The following C8orf74 variants were observed in gnomAD, a reference collection of about 807,000 sequenced individuals.
The protein encoded by C8orf74 is uncharacterized protein C8orf74.
Under a neutral mutation model 22.2 loss-of-function variants are expected in C8orf74, and 29 were observed. That is an observed-to-expected ratio of 1.31 (90% CI 0.97 to 1.78). The LOEUF is 1.78. Among genes scored for constraint, C8orf74 ranks in the 40% most tolerant of loss-of-function variants. C8orf74 has a pLI of 0.00. For missense variants in C8orf74, 515 were observed against 369.9 expected, an observed-to-expected ratio of 1.39 and a Z score of -3.22; for synonymous variants, 255 against 163.1, an observed-to-expected ratio of 1.56 and a Z score of -4.30.
intron 1 of C8orf74, 87 bp from the exon 2 acceptor site, chr8:10,674,538 CAGCCCCCATATCACACCCTAT>C (rs1798987123): frequency 7.5e-6 from 3 of 400,122 alleles, no homozygotes; most frequent in African/African-American, 5.5e-5. Context: ...TCACACCCCA[CAGCCCCCATATCACACCCTAT>C]AGCCCCCATA....
rs79615905 is a variant in C8orf74 at position 10,695,429 on chromosome 8, G to A, written c.242-2170G>A. Among the ~76,000 whole-genome samples, 1,445 of 152,250 alleles carry A rather than the reference G, an allele frequency of 9.5e-3. 43 individuals carry two copies. Among genetic ancestry groups the A allele is most frequent in the East Asian group, 0.082 (426 of 5,168 alleles). ...CCAGTCTGTGATTCTGCATGATGGA[G>A]CAGTCCCTCCTTCCCTCCCCCTGGA... On this transcript the variant is annotated intron_variant, in intron 2 of 3. Coordinates refer to ENST00000304519, the MANE Select transcript of C8orf74 (RefSeq NM_001040032.2).
At chr8:10,687,121 A>C (rs1392156746) in intron 2 of C8orf74, 1 of 456,298 alleles carries the variant, frequency 2.2e-6, no homozygotes, top group Non-Finnish European at 4.4e-6. Context: ...CTGTGTAGGA[A>C]TGCCAGCAGA....
intron 3 of C8orf74, among the ~76,000 whole-genome samples, chr8:10,698,516 T>C (rs1054535614): frequency 1.3e-5 from 2 of 151,954 alleles, no homozygotes; most frequent in Non-Finnish European, 2.9e-5. Flanking sequence ...CTTAGGAGGA[T>C]CCGGTGCCTG....
At position 10,672,644 on chromosome 8, in the gene C8orf74, C is replaced by T. The variant is rs970249788; in HGVS notation, c.-22C>T. The stretch of plus-strand genomic sequence containing the variant: ...CTCTGAGTCAGTCTGGCTCCGTCTC[C>T]TGGCAACCAGATGCAGGGGCCATGG... On this transcript the variant is annotated 5_prime_UTR_variant, in exon 1 of 4. Coordinates refer to ENST00000304519, the MANE Select transcript of C8orf74 (RefSeq NM_001040032.2). The T allele has an allele frequency of 3.8e-6, 6 of 1,559,702 alleles. No individual in the cohort carries two copies. Among genetic ancestry groups the T allele is most frequent in the Non-Finnish European group, 5.2e-6 (6 of 1,151,430 alleles).
At chr8:10,690,916 C>T (rs935770455) in intron 2 of C8orf74, 9 of 456,018 alleles carry the variant, frequency 2.0e-5, no homozygotes, top group Admixed American at 4.7e-5. Context: ...AAGTTCCCAG[C>T]AGCCAATGCA....
At chr8:10,689,339 G>C (rs1043565848) in intron 2 of C8orf74, 1 of 152,222 alleles carries the variant, frequency 6.6e-6, no homozygotes, top group Admixed American at 6.5e-5. Flanking sequence ...CCTTGGTCCA[G>C]AGAGATGTGC....
At chr8:10,695,495 C>A (rs1799472081) in intron 2 of C8orf74, among the ~76,000 whole-genome samples, 1 of 152,194 alleles carries the variant, frequency 6.6e-6, no homozygotes, top group Admixed American at 6.5e-5. Context: ...CCCAGCACAT[C>A]CTAACATGGC....
In C8orf74 at chr8:10,674,674, G is replaced by T; in HGVS notation, c.77G>T (p.Arg26Met). 6 of 1,610,354 alleles carry T rather than the reference G, an allele frequency of 3.7e-6. No individual in the cohort carries two copies. The highest frequency in any genetic ancestry group is 5.1e-6 in the Non-Finnish European group (6 of 1,178,378). Reference protein sequence around the residue: ...QRPQGRERLRRLLNWEEFDEQ... With the variant: ...QRPQGRERLRMLLNWEEFDEQ... ...CCACAAGGTCGGGAGCGCCTGCGGA[G>T]GCTTCTGAACTGGGAGGAGTTTGAC... The change falls in exon 2 of 4, where the codon AGG (arginine) becomes ATG (methionine). Residue 26 changes from arginine to methionine, a missense_variant. Arg to Met is a moderately conservative substitution (Grantham distance 91, BLOSUM62 -1). Coordinates refer to ENST00000304519, the MANE Select transcript of C8orf74 (RefSeq NM_001040032.2).
rs1267598121 is a variant in C8orf74 at position 10,682,256 on chromosome 8, C to T, written c.241+7418C>T. Among the ~76,000 whole-genome samples the T allele has an allele frequency of 2.6e-4, 39 of 152,300 alleles. 1 individual carries two copies. Among genetic ancestry groups the T allele is most frequent in the Non-Finnish European group, 2.2e-4 (15 of 68,024 alleles). The stretch of plus-strand genomic sequence containing the variant: ...TGATGGATGGTGGAAGTCTCCACAG[C>T]GGCCCTAGATTAAGATCTTAGAGGA... On this transcript the variant is annotated intron_variant, in intron 2 of 3. Transcript: ENST00000304519.
chr8:10,693,113 G>C (rs556567464), intron 2 of C8orf74: 1 of 152,648 alleles, frequency 6.6e-6, no homozygotes, highest in African/African-American at 2.4e-5. Flanking sequence ...GGCCTACCCA[G>C]CCTCATCTCC....
chr8:10,699,481 C>A (rs1799606269), intron 3 of C8orf74, among the ~76,000 whole-genome samples: 1 of 152,210 alleles, frequency 6.6e-6, no homozygotes, highest in Non-Finnish European at 1.5e-5. Context: ...TACATCCAAC[C>A]AGTTGCTTCC....
intron 2 of C8orf74, chr8:10,686,436 T>C (rs1799263464): frequency 1.3e-5 from 2 of 152,260 alleles, no homozygotes; most frequent in Non-Finnish European, 2.9e-5. Flanking sequence ...AATGTAGTCA[T>C]AGTATTATTT....
rs1799556576 is a variant in C8orf74, at chr8:10,697,749, A to T, written c.392A>T (p.Gln131Leu). ...HYKLYQYVLG[Q>L]DQQVDLTVAH... ...AAACTCTACCAGTATGTCCTGGGCC[A>T]GGACCAGCAGGTCGACCTGACCGTT... The change falls in exon 3 of 4, where the codon CAG becomes CTG. Residue 131 changes from glutamine (Q) to leucine (L), a missense_variant. Gln to Leu is a moderately radical substitution (Grantham distance 113, BLOSUM62 -2). Coordinates refer to ENST00000304519, the MANE Select transcript of C8orf74 (RefSeq NM_001040032.2). The T allele has an allele frequency of 6.2e-7, 1 of 1,614,050 alleles. No individual in the cohort carries two copies. The highest frequency in any genetic ancestry group is 2.2e-5 in the East Asian group (1 of 44,882).
At chr8:10,695,479 G>A (rs375125244) in intron 2 of C8orf74, among the ~76,000 whole-genome samples, 7 of 152,180 alleles carry the variant, frequency 4.6e-5, no homozygotes, top group Non-Finnish European at 7.3e-5. Flanking sequence ...GAATCCAGGC[G>A]TCACTCCCAG....
chr8:10,689,089 T>C (rs1799321044), intron 2 of C8orf74: 1 of 152,268 alleles, frequency 6.6e-6, no homozygotes, highest in Non-Finnish European at 1.5e-5. Context: ...CAGACATTTC[T>C]GACCTATCAA....
intron 2 of C8orf74, chr8:10,692,130 G>T (rs574805777): frequency 6.6e-6 from 1 of 152,414 alleles, no homozygotes; most frequent in East Asian, 1.9e-4. Context: ...CCAATTGATG[G>T]CAGGCCTGCA....
chr8:10,684,912 C>G (rs1035103624), intron 2 of C8orf74, among the ~76,000 whole-genome samples: 1 of 152,126 alleles, frequency 6.6e-6, no homozygotes, highest in African/African-American at 2.4e-5. Context: ...TGAGATACGT[C>G]GACGGCCCAT....
intron 2 of C8orf74, among the ~76,000 whole-genome samples, chr8:10,694,416 A>C (rs1164707898): frequency 6.6e-6 from 1 of 152,140 alleles, no homozygotes; most frequent in African/African-American, 2.4e-5. Context: ...TGGGAGAAAG[A>C]TCCGTTCCTT....
intron 2 of C8orf74, among the ~76,000 whole-genome samples, chr8:10,694,918 G>A (rs557672692): frequency 2.6e-5 from 4 of 151,948 alleles, no homozygotes; most frequent in African/African-American, 4.8e-5. Context: ...ATGGGTGGAC[G>A]GATGGATGGA....
Sources: gnomAD v4.1 joint callset for allele counts (sites outside exome capture counted in the v4.1 genomes callset) on GRCh38, gnomAD v4.1.1 for gene constraint, MANE v1.5 for transcripts, NCBI Gene and HGNC (gene_info 2026-07-23, HGNC 2026-07-21) for gene names.